MAPK8IP2: variants seen among roughly 807,000 people sequenced by gnomAD.
The protein encoded by MAPK8IP2 is C-Jun-amino-terminal kinase-interacting protein 2.
In MAPK8IP2, 15 loss-of-function variants were observed where a neutral mutation model predicts 75.6. The observed-to-expected ratio is 0.20, with a 90% CI of 0.13 to 0.31. MAPK8IP2 has a LOEUF of 0.31. Among genes scored for constraint, MAPK8IP2 ranks in the 10% least tolerant of loss-of-function variants. MAPK8IP2 has a pLI of 1.00. For synonymous variants in MAPK8IP2, 632 were observed against 554.5 expected, an observed-to-expected ratio of 1.14 and a Z score of -1.96; for missense variants, 1,089 against 1,211.2, an observed-to-expected ratio of 0.90 and a Z score of 1.50.
rs2071121649 is a variant in MAPK8IP2 at position 50,610,040 on chromosome 22, G to A, written c.2304-172G>A. 2 of 727,090 alleles carry A rather than the reference G, an allele frequency of 2.8e-6. No homozygotes were observed. Among genetic ancestry groups the A allele is most frequent in the Admixed American group, 3.8e-5 (2 of 52,300 alleles). The allele number at this position is 727,090 out of a possible 1,614,324, so 45.0% of individuals were successfully genotyped here. A position where few individuals can be genotyped will look rare whatever the true frequency, so the allele number is the denominator to read the frequency against. On this transcript the variant is annotated intron_variant, in intron 10 of 11. Coordinates refer to ENST00000329492, the MANE Select transcript of MAPK8IP2 (RefSeq NM_012324.6). This position sits in a 1 kb window ranked among gnomAD's most constrained non-coding sequence, Gnocchi z 4.3. ...GGTAGGTGCCCAGCCCTGTGCTTGG[G>A]CTGAAACCAAAAAAAGACAACTTCA...
chr22:50,605,105 G>A, intron 5 of MAPK8IP2, 41 bp downstream of exon 5: 1 of 1,604,806 alleles, frequency 6.2e-7, no homozygotes, highest in Non-Finnish European at 8.5e-7. Context: ...CCCAGAGGAA[G>A]GTGCAGACTC....
chr22:50,602,653 T>C (rs1180400892), intron 2 of MAPK8IP2, among the ~76,000 whole-genome samples: 1 of 152,012 alleles, frequency 6.6e-6, no homozygotes, highest in Non-Finnish European at 1.5e-5. Flanking sequence ...TAGGAGGGAA[T>C]GGAGGAGAGG....
intron 1 of MAPK8IP2, 192 bp from the exon 2 acceptor site, chr22:50,601,597 T>C: frequency 1.8e-6 from 1 of 568,166 alleles, no homozygotes; most frequent in Non-Finnish European, 3.2e-6. Context: ...CAGGCCTGGC[T>C]CAGATGGGGG....
In MAPK8IP2 at chr22:50,603,868, A is replaced by G. The variant is rs1299110415; in HGVS notation, c.569A>G (p.Asp190Gly). 6.5e-7 allele frequency: 1 copy of G among 1,533,664 alleles called. No homozygotes were observed. Among genetic ancestry groups the G allele is most frequent in the African/African-American group, 1.4e-5 (1 of 72,710 alleles). The change falls in exon 5 of 12, where the codon GAC becomes GGC. Residue 190 changes from aspartate (D) to glycine (G), a missense_variant. Physicochemically the swap from Asp to Gly is moderately conservative, Grantham distance 94. Coordinates refer to ENST00000329492, the MANE Select transcript of MAPK8IP2 (RefSeq NM_012324.6). ...RELPGPLPATDTGPGGAQSPV... is the reference protein window; with the variant it reads ...RELPGPLPATGTGPGGAQSPV... ...CTCCCGGGCCCCCTCCCTGCCACGG[A>G]CACCGGGCCCGGCGGGGCGCAGTCG... is the stretch of plus-strand genomic sequence containing the variant.
chr22:50,610,556 T>G lies in MAPK8IP2; in HGVS notation c.2403-151T>G. 1 of 714,552 alleles carries G rather than the reference T, an allele frequency of 1.4e-6. No individual in the cohort carries two copies. Among genetic ancestry groups the G allele is most frequent in the Non-Finnish European group, 2.4e-6 (1 of 418,666 alleles). 44.3% of individuals were successfully genotyped at this position (714,552 alleles called of 1,614,324 possible). A position where few individuals can be genotyped will look rare whatever the true frequency, so the allele number is the denominator to read the frequency against. On this transcript the variant is annotated intron_variant, in intron 11 of 11. Transcript: ENST00000329492. This position sits in a 1 kb window ranked among gnomAD's most constrained non-coding sequence, Gnocchi z 4.3. ...ATTGCTGGGCCAGGAGAGCTGAGGG[T>G]CACACTTGGGGGTGACATGGCCATG...
intron 2 of MAPK8IP2, among the ~76,000 whole-genome samples, chr22:50,602,529 A>G (rs1371744759): frequency 6.6e-6 from 1 of 152,192 alleles, no homozygotes; most frequent in Non-Finnish European, 1.5e-5. Context: ...CAACAGGGAC[A>G]TAAGTTCCAC....
In MAPK8IP2 at chr22:50,603,666, C is replaced by T. The variant is rs773198795; in HGVS notation, c.488C>T (p.Pro163Leu). 32 of 1,591,750 alleles carry T rather than the reference C, an allele frequency of 2.0e-5. No homozygotes were observed. Among genetic ancestry groups the T allele is most frequent in the South Asian group, 2.3e-5 (2 of 87,722 alleles). The change falls in exon 4 of 12, where the codon CCG becomes CTG. Residue 163 changes from proline to leucine, a missense_variant. Physicochemically the swap from Pro to Leu is moderately conservative, Grantham distance 98. This residue lies in a region of MAPK8IP2 where 960 missense variants were observed against 1,009.6 expected (regional missense o/e 0.95). Coordinates refer to ENST00000329492, the MANE Select transcript of MAPK8IP2 (RefSeq NM_012324.6). ...AACGGAGGCTTTGACCTGGTGCGTC[C>T]GGCCTCCTGGCAGGAGACAGCGCTA... The part of the protein sequence containing the change: ...NNNGGFDLVR[P>L]ASWQETALCS...
chr22:50,609,473 C>T (rs73445591), intron 10 of MAPK8IP2, among the ~76,000 whole-genome samples: 8,643 of 152,230 alleles, frequency 0.057, 334 homozygotes, highest in African/African-American at 0.11. Flanking sequence ...TTGAGGCGGG[C>T]CCTGTGCTCT....
In MAPK8IP2 at chr22:50,604,633, CCAT is replaced by C; in HGVS notation, c.1337_1339del (p.Ile446del). On this transcript the variant is annotated inframe_deletion, in exon 5 of 12. Transcript: ENST00000329492. ...TTCCTCAGCAACCCCACGCGTGACA[CCAT>C]CACGCCGCTGTGGGCCGCGCCCGGC... 1 of 1,517,258 alleles carries C rather than the reference CCAT, an allele frequency of 6.6e-7. No homozygotes were observed. The highest frequency in any genetic ancestry group is 8.8e-7 in the Non-Finnish European group (1 of 1,138,642). 94.0% of individuals were successfully genotyped at this position (1,517,258 alleles called of 1,614,324 possible).
Position 50,610,831 on chromosome 22 carries a change from G to A in MAPK8IP2, c.*52G>A, listed in dbSNP as rs1335100005. The A allele has an allele frequency of 6.7e-7, 1 of 1,499,480 alleles. No individual in the cohort carries two copies. Among genetic ancestry groups the A allele is most frequent in the African/African-American group, 1.4e-5 (1 of 72,214 alleles). 92.9% of individuals were successfully genotyped at this position (1,499,480 alleles called of 1,614,324 possible). ...GTCTGCTCCAGGCGCAGCTGGGGCTGAGGATGTCTCAAGAGGCCACCATGG... is the reference window on the plus strand; with the variant it reads ...GTCTGCTCCAGGCGCAGCTGGGGCTAAGGATGTCTCAAGAGGCCACCATGG... On this transcript the variant is annotated 3_prime_UTR_variant, in exon 12 of 12. Coordinates refer to ENST00000329492, the MANE Select transcript of MAPK8IP2 (RefSeq NM_012324.6). The surrounding 1 kb of genome is among the most constrained non-coding windows in gnomAD (Gnocchi z 4.3).
At chr22:50,602,105 C>G (rs1448066546) in intron 2 of MAPK8IP2, among the ~76,000 whole-genome samples, 1 of 152,194 alleles carries the variant, frequency 6.6e-6, no homozygotes, top group Non-Finnish European at 1.5e-5. Context: ...GGGCCTTCCC[C>G]AGCATTCTCC....
chr22:50,609,035 G>C (rs561486220), intron 10 of MAPK8IP2, among the ~76,000 whole-genome samples: 2 of 152,258 alleles, frequency 1.3e-5, no homozygotes, highest in East Asian at 3.9e-4. Flanking sequence ...GGGTGTGGGA[G>C]GAGGTGGAGG....
At position 50,603,928 on chromosome 22, in the gene MAPK8IP2, G is replaced by C. The variant is rs1393060784; in HGVS notation, c.629G>C (p.Arg210Pro). 1.9e-6 allele frequency: 3 copies of C among 1,540,430 alleles called. No homozygotes were observed. Among genetic ancestry groups the C allele is most frequent in the South Asian group, 1.2e-5 (1 of 84,058 alleles). ...CCGGGTTGCGACTGCGAAGGGAACC[G>C]GCCTGCGGAACCCCCTGCGCCAGGG... ...VRPGCDCEGNRPAEPPAPGGT... is the reference protein window; with the variant it reads ...VRPGCDCEGNPPAEPPAPGGT... Residue 210 changes from arginine (R) to proline (P), a missense_variant, in exon 5 of 12, where the codon CGG becomes CCG. By Grantham distance (103) the Arg-to-Pro change is moderately radical. This residue lies in a region of MAPK8IP2 where 960 missense variants were observed against 1,009.6 expected (regional missense o/e 0.95). Transcript: ENST00000329492.
In MAPK8IP2 at chr22:50,605,406, G is replaced by C; in HGVS notation, c.1804G>C (p.Gly602Arg). 1.2e-6 allele frequency: 2 copies of C among 1,613,660 alleles called. No individual in the cohort carries two copies. Among genetic ancestry groups the C allele is most frequent in the Non-Finnish European group, 1.7e-6 (2 of 1,179,862 alleles). ...TGGCCTTTTCTCCTGTCTGGTCAAC[G>C]GCGAGGAGCGAGAGCAGACTCACCG... Reference protein sequence around the residue: ...SFGLFSCLVNGEEREQTHRAV... With the variant: ...SFGLFSCLVNREEREQTHRAV... Residue 602 changes from glycine (G) to arginine (R), a missense_variant, in exon 6 of 12, where the codon GGC (glycine) becomes CGC (arginine). By Grantham distance (125) the Gly-to-Arg change is moderately radical (BLOSUM62 -2). Coordinates refer to ENST00000329492, the MANE Select transcript of MAPK8IP2 (RefSeq NM_012324.6).
chr22:50,605,779 C>A, intron 7 of MAPK8IP2, 45 bp downstream of exon 7: 2 of 1,598,048 alleles, frequency 1.3e-6, no homozygotes, highest in East Asian at 4.5e-5. Context: ...CCAGATCCTC[C>A]CCTGTGCCCC....
chr22:50,610,544 G>A lies in MAPK8IP2; in HGVS notation c.2403-163G>A, dbSNP rs1246482313. On this transcript the variant is annotated intron_variant, in intron 11 of 11. Transcript: ENST00000329492. The surrounding 1 kb of genome is among the most constrained non-coding windows in gnomAD (Gnocchi z 4.3). ...GGCAGGGGTAGAATTGCTGGGCCAG[G>A]AGAGCTGAGGGTCACACTTGGGGGT... Among the ~76,000 whole-genome samples, 4 of 152,154 alleles carry A rather than the reference G, an allele frequency of 2.6e-5. No homozygotes were observed. The highest frequency in any genetic ancestry group is 5.9e-5 in the Non-Finnish European group (4 of 68,028).
intron 10 of MAPK8IP2, among the ~76,000 whole-genome samples, chr22:50,609,227 T>C (rs1006252224): frequency 1.3e-5 from 2 of 152,136 alleles, no homozygotes; most frequent in African/African-American, 4.8e-5. Context: ...GGCATTAGGA[T>C]GTCTGGTGTT....
rs758325772 is a variant in MAPK8IP2 at position 50,604,100 on chromosome 22, G to C, written c.801G>C (p.Met267Ile). The C allele has an allele frequency of 2.6e-6, 4 of 1,551,304 alleles. No homozygotes were observed. Among genetic ancestry groups the C allele is most frequent in the Non-Finnish European group, 3.5e-6 (4 of 1,157,276 alleles). Residue 267 changes from methionine (M) to isoleucine (I), a missense_variant, in exon 5 of 12, where the codon ATG becomes ATC. Met to Ile is a conservative substitution (Grantham distance 10). Transcript: ENST00000329492. ...EDAGGARLGR[M>I]ISSISETELE... is the part of the protein sequence containing the mutation. Reference sequence around the variant, plus strand: ...CGGGCGGCGCGCGCCTGGGGCGCATGATCTCGTCCATCTCGGAGACGGAGC... The same window carrying C: ...CGGGCGGCGCGCGCCTGGGGCGCATCATCTCGTCCATCTCGGAGACGGAGC...
intron 10 of MAPK8IP2, among the ~76,000 whole-genome samples, chr22:50,608,081 G>T (rs2071079654): frequency 6.6e-6 from 1 of 152,196 alleles, no homozygotes; most frequent in African/African-American, 2.4e-5. Flanking sequence ...GCACGGTGCT[G>T]CCAGGACTGA....
Sources: allele counts gnomAD v4.1 joint callset (sites outside exome capture counted in the v4.1 genomes callset), GRCh38; gene constraint gnomAD v4.1.1; regional missense constraint gnomAD v4.1.1; non-coding constraint Gnocchi (gnomAD v3.1); transcripts MANE v1.5; gene names NCBI Gene and HGNC (gene_info 2026-07-23, HGNC 2026-07-21).